Variants in MBP observed in about 807,000 individuals in gnomAD.
MBP encodes myelin basic protein, also known as Golli-MBP.
MBP carries 16 observed loss-of-function variants against 35.8 expected under a neutral mutation model. The observed-to-expected ratio is 0.45, with a 90% CI of 0.30 to 0.68. MBP has a LOEUF of 0.68. MBP is among the 30% of genes least tolerant of loss of function. The probability of loss-of-function intolerance (pLI) is 0.08; values close to 1 mark genes in which losing one functional copy is unlikely to be tolerated. For synonymous variants in MBP, 143 were observed against 159.6 expected (o/e 0.90, Z 0.78); for missense variants, 380 against 404.7 (o/e 0.94, Z 0.52).
chr18:77,090,018 A>G (rs1975436992), intron 2 of MBP, among the ~76,000 whole-genome samples: 1 of 152,206 alleles, frequency 6.6e-6, no homozygotes, highest in Non-Finnish European at 1.5e-5. Context: ...GATTTGCTGA[A>G]CTGTGACCTG....
intron 2 of MBP, among the ~76,000 whole-genome samples, chr18:77,081,313 A>C (rs1360111490): frequency 6.6e-6 from 1 of 152,228 alleles, no homozygotes; most frequent in Non-Finnish European, 1.5e-5. Flanking sequence ...TCTGACAAAG[A>C]TCATGTATCC....
At chr18:77,087,544 C>A (rs1349640383) in intron 2 of MBP, 1 of 152,300 alleles carries the variant, frequency 6.6e-6, no homozygotes. Context: ...CGCGCCGGGT[C>A]GCACTTCATT....
At chr18:76,982,362 C>T (rs1599452123) in intron 8 of MBP, 2 of 152,260 alleles carry the variant, frequency 1.3e-5, no homozygotes, top group East Asian at 3.8e-4. Flanking sequence ...CTGACCTCCT[C>T]TCTCAGGACA....
At chr18:77,115,399 C>T (rs1447612021) in intron 1 of MBP, 3 of 152,196 alleles carry the variant, frequency 2.0e-5, no homozygotes, top group Non-Finnish European at 4.4e-5. Context: ...TAAGAGCTGT[C>T]GTCTGGGTCT....
intron 2 of MBP, among the ~76,000 whole-genome samples, chr18:77,096,939 A>G (rs532107011): frequency 2.3e-4 from 35 of 152,222 alleles, no homozygotes; most frequent in Non-Finnish European, 4.0e-4. Context: ...TTCGCCTGTG[A>G]ACTGAGACAG....
At chr18:77,071,025 G>A (rs74926333) in intron 2 of MBP, among the ~76,000 whole-genome samples, 18,855 of 152,162 alleles carry the variant, frequency 0.12, 1,310 homozygotes, top group South Asian at 0.21. Context: ...GTGAAAATAC[G>A]CTTATAATTA....
At chr18:77,068,264 G>C (rs1974285342) in intron 2 of MBP, among the ~76,000 whole-genome samples, 1 of 152,192 alleles carries the variant, frequency 6.6e-6, no homozygotes, top group Admixed American at 6.5e-5. Context: ...TTTGGACTGA[G>C]CTCCTGCACT....
At chr18:77,073,658 C>A (rs79295564) in intron 2 of MBP, among the ~76,000 whole-genome samples, 1 of 152,210 alleles carries the variant, frequency 6.6e-6, no homozygotes, top group African/African-American at 2.4e-5. Context: ...CTCTATCTTC[C>A]TAGCCTGTTC....
chr18:76,986,124 G>C (rs2123094736), intron 7 of MBP: 1 of 985,608 alleles, frequency 1.0e-6, no homozygotes, highest in East Asian at 1.1e-4. Context: ...TGGGTGCACT[G>C]TCTGTGGGAA....
At chr18:77,081,839 C>A (rs1974943960) in intron 2 of MBP, among the ~76,000 whole-genome samples, 1 of 15,124 alleles carries the variant, frequency 6.6e-5, no homozygotes, top group African/African-American at 1.3e-4. Context: ...CACACACACA[C>A]ACATATATAT....
chr18:76,982,307 G>T (rs1467172615), intron 8 of MBP: 2 of 152,228 alleles, frequency 1.3e-5, no homozygotes, highest in African/African-American at 4.8e-5. Context: ...GATCCACCCT[G>T]GGCTCAGGTC....
chr18:77,118,672 A>C (rs1976786163), intron 1 of MBP, among the ~76,000 whole-genome samples: 1 of 133,226 alleles, frequency 7.5e-6, no homozygotes, highest in Non-Finnish European at 1.6e-5. Flanking sequence ...ACTACATACC[A>C]CACACACACA....
At chr18:76,986,664 G>A (rs796264378) in intron 7 of MBP, 21 of 985,522 alleles carry the variant, frequency 2.1e-5, no homozygotes, top group Non-Finnish European at 2.4e-5. Flanking sequence ...GCGTCCTAGA[G>A]GTTTCCAGGT....
intron 3 of MBP, among the ~76,000 whole-genome samples, chr18:77,021,522 C>T (rs1370112790): frequency 7.0e-6 from 1 of 141,988 alleles, no homozygotes; most frequent in Non-Finnish European, 1.5e-5. Flanking sequence ...CTCACTCTGT[C>T]GCCCAGGTTG....
At position 77,016,284 on chromosome 18, in the gene MBP, C is replaced by T. The variant is rs58981767; in HGVS notation, c.576+548G>A. ...TTCATAGACACTCATTTATCCCTCC[C>T]CCCTTCCACTTCTCAGACCACAGAG... On this transcript the variant is annotated intron_variant, in intron 4 of 8. Transcript: ENST00000355994. The T allele has an allele frequency of 4.2e-4, 415 of 986,110 alleles. 3 individuals carry two copies. The African/African-American group carries it at 6.8e-3, about 16-fold the overall frequency. The allele number at this position is 986,110 out of a possible 1,614,324, so 61.1% of individuals were successfully genotyped here.
chr18:77,067,920 TC>T, intron 2 of MBP: 1 of 462,262 alleles, frequency 2.2e-6, no homozygotes, highest in Admixed American at 2.3e-5. Flanking sequence ...GGCTGTTTGT[TC>T]CTGGAGAGAA....
intron 4 of MBP, chr18:77,013,357 T>C: frequency 2.0e-6 from 2 of 985,468 alleles, no homozygotes; most frequent in Non-Finnish European, 2.4e-6. Flanking sequence ...TTCCGTGCTG[T>C]CTACTGTATC....
intron 1 of MBP, among the ~76,000 whole-genome samples, chr18:77,125,108 A>C (rs573559438): frequency 1.2e-4 from 18 of 152,250 alleles, no homozygotes; most frequent in African/African-American, 4.3e-4. Flanking sequence ...AACGAAGAGG[A>C]GGGAGACTGT....
rs568839110 is a variant in MBP at position 77,101,020 on chromosome 18, G to A, written c.51+4191C>T. ...CATGGGCACGTTCTGAGCGCTTGCTGACCCTCCCAAAGGTAACTGCCCAGC... is the reference window on the plus strand; with the variant it reads ...CATGGGCACGTTCTGAGCGCTTGCTAACCCTCCCAAAGGTAACTGCCCAGC... On this transcript the variant is annotated intron_variant, in intron 2 of 8. Coordinates refer to ENST00000355994, the MANE Select transcript of MBP (RefSeq NM_001025101.2). This position sits in a 1 kb window ranked among gnomAD's most constrained non-coding sequence, Gnocchi z 4.3. Among the ~76,000 whole-genome samples the A allele has an allele frequency of 1.3e-5, 2 of 152,322 alleles. No homozygotes were observed. The highest frequency in any genetic ancestry group is 2.1e-4 in the South Asian group (1 of 4,824).
Sources: gnomAD v4.1 joint callset for allele counts (sites outside exome capture counted in the v4.1 genomes callset) on GRCh38, gnomAD v4.1.1 for gene constraint, Gnocchi (gnomAD v3.1) non-coding constraint, MANE v1.5 for transcripts, NCBI Gene and HGNC (gene_info 2026-07-23, HGNC 2026-07-21) for gene names.